Variants in EPHA3 observed in about 807,000 individuals in gnomAD.
EPHA3 encodes ephrin type-A receptor 3.
EPHA3 carries 42 observed loss-of-function variants against 107.1 expected under a neutral mutation model. The observed-to-expected ratio is 0.39, with a 90% confidence interval of 0.31 to 0.51. The LOEUF (loss-of-function observed/expected upper bound fraction) is 0.51, where lower values mean the gene tolerates loss of function less well. Among genes scored for constraint, EPHA3 ranks in the 20% least tolerant of loss-of-function variants. EPHA3 has a pLI of 0.78. For missense variants in EPHA3, 1,183 were observed against 1,211.2 expected, an observed-to-expected ratio of 0.98 and a Z score of 0.35; for synonymous variants, 461 against 424.8, an observed-to-expected ratio of 1.09 and a Z score of -1.05.
chr3:89,438,550 T>C (rs1709719179), intron 13 of EPHA3, among the ~76,000 whole-genome samples: 1 of 152,142 alleles, frequency 6.6e-6, no homozygotes, highest in African/African-American at 2.4e-5. Context: ...CTTTGTTCTG[T>C]AACATTTTCA....
At chr3:89,394,552 T>G (rs1162042932) in intron 5 of EPHA3, among the ~76,000 whole-genome samples, 1 of 152,214 alleles carries the variant, frequency 6.6e-6, no homozygotes, top group African/African-American at 2.4e-5. Flanking sequence ...TTCTCTGAAG[T>G]GGCACAAGGC....
chr3:89,334,828 A>G (rs751558301), intron 3 of EPHA3, among the ~76,000 whole-genome samples: 1 of 152,188 alleles, frequency 6.6e-6, no homozygotes, highest in Non-Finnish European at 1.5e-5. Flanking sequence ...GCCAACACCT[A>G]TTTAATAGGA....
chr3:89,187,291 G>A (rs907339734), intron 2 of EPHA3, among the ~76,000 whole-genome samples: 1 of 148,502 alleles, frequency 6.7e-6, no homozygotes, highest in Non-Finnish European at 1.5e-5. Flanking sequence ...TAATATATGA[G>A]TCTATACATT....
At chr3:89,474,864 A>G (rs79350232) in intron 16 of EPHA3, among the ~76,000 whole-genome samples, 5,878 of 152,232 alleles carry the variant, frequency 0.039, 110 homozygotes, top group South Asian at 0.049. Flanking sequence ...CTTAATTGTT[A>G]TTATTATTTG....
intron 2 of EPHA3, among the ~76,000 whole-genome samples, chr3:89,152,374 C>A (rs1191700498): frequency 6.6e-6 from 1 of 152,008 alleles, no homozygotes. Flanking sequence ...AGAAACTGCA[C>A]AGGCCTTCTC....
intron 3 of EPHA3, among the ~76,000 whole-genome samples, chr3:89,230,662 G>T (rs1186531358): frequency 2.0e-5 from 3 of 152,030 alleles, no homozygotes; most frequent in Admixed American, 6.6e-5. Flanking sequence ...ATCAGGGAAA[G>T]AATTTTGATC....
At chr3:89,330,792 A>G (rs940439530) in intron 3 of EPHA3, among the ~76,000 whole-genome samples, 1 of 152,124 alleles carries the variant, frequency 6.6e-6, no homozygotes, top group African/African-American at 2.4e-5. Context: ...CTCTGTTTTC[A>G]TTTAAAATCC....
intron 13 of EPHA3, among the ~76,000 whole-genome samples, chr3:89,438,608 A>G (rs940855233): frequency 1.3e-5 from 2 of 152,224 alleles, no homozygotes; most frequent in African/African-American, 4.8e-5. Flanking sequence ...TACAAAAGAC[A>G]CATATTAATT....
rs891890987 is a variant in EPHA3 at position 89,407,217 on chromosome 3, T to A, written c.1595-52T>A. On this transcript the variant is annotated intron_variant, in intron 7 of 16. Transcript: ENST00000336596. ...GAATCAATCAACTGTTCCATGTAGA[T>A]GTTAGTCATGATTATAATACCTGTT... is the stretch of plus-strand genomic sequence containing the variant. The A allele has an allele frequency of 7.1e-6, 9 of 1,269,742 alleles. No homozygotes were observed. The African/African-American group carries it at 1.0e-4, about 15-fold the overall frequency. The allele number at this position is 1,269,742 out of a possible 1,614,324, so 78.7% of individuals were successfully genotyped here. A position where few individuals can be genotyped will look rare whatever the true frequency, so the allele number is the denominator to read the frequency against.
rs1367168583 is a variant in EPHA3 at position 89,294,117 on chromosome 3, C to T, written c.815-46799C>T. ...GGCCATGGGTAGGTTGCCAACTTTT[C>T]TCCTAACCCAAAGTGACAATGATTT... is the stretch of plus-strand genomic sequence containing the variant. On this transcript the variant is annotated intron_variant, in intron 3 of 16. Coordinates refer to ENST00000336596, the MANE Select transcript of EPHA3 (RefSeq NM_005233.6). 4.6e-5 allele frequency among the ~76,000 whole-genome samples: 7 copies of T among 152,274 alleles called. No homozygotes were observed. In the East Asian group the frequency reaches 1.4e-3, roughly 29 times the overall value.
intron 3 of EPHA3, among the ~76,000 whole-genome samples, chr3:89,293,914 A>C (rs532125003): frequency 3.2e-4 from 49 of 152,292 alleles, no homozygotes; most frequent in African/African-American, 1.1e-3. Context: ...CAATCACAAA[A>C]ATATATTTAA....
intron 3 of EPHA3, among the ~76,000 whole-genome samples, chr3:89,213,781 G>A (rs9310116): frequency 0.76 from 114,968 of 151,778 alleles, 44,318 homozygotes; most frequent in Admixed American, 0.84. Flanking sequence ...TACTGATCTA[G>A]TGCTTAAAGC....
intron 5 of EPHA3, among the ~76,000 whole-genome samples, chr3:89,362,533 G>A (rs1708114463): frequency 6.6e-6 from 1 of 151,098 alleles, no homozygotes; most frequent in African/African-American, 2.4e-5. Flanking sequence ...AGTCACAAAG[G>A]CTGCAACAAG....
chr3:89,287,918 A>AT (rs1706127673), intron 3 of EPHA3, among the ~76,000 whole-genome samples: 1 of 151,906 alleles, frequency 6.6e-6, no homozygotes, highest in Non-Finnish European at 1.5e-5. Flanking sequence ...TCCATCTTTT[A>AT]TTTTTTCTGA....
chr3:89,354,873 A>G (rs1707910375), intron 5 of EPHA3, among the ~76,000 whole-genome samples: 3 of 151,080 alleles, frequency 2.0e-5, no homozygotes. Context: ...GAGGCTTTGC[A>G]CAAAATCTAA....
chr3:89,432,413 C>T (rs1576375052), intron 13 of EPHA3, among the ~76,000 whole-genome samples: 1 of 151,958 alleles, frequency 6.6e-6, no homozygotes, highest in Non-Finnish European at 1.5e-5. Context: ...GGCAGGGTCT[C>T]ACTCTGTCAC....
intron 13 of EPHA3, among the ~76,000 whole-genome samples, chr3:89,442,221 T>C (rs2107547114): frequency 6.6e-6 from 1 of 152,158 alleles, no homozygotes; most frequent in South Asian, 2.1e-4. Flanking sequence ...CCAGAAGGGA[T>C]ATTATTACAT....
At chr3:89,289,668 A>G (rs1706166791) in intron 3 of EPHA3, among the ~76,000 whole-genome samples, 1 of 152,118 alleles carries the variant, frequency 6.6e-6, no homozygotes, top group African/African-American at 2.4e-5. Context: ...AGTGACAGGT[A>G]ATAACTCAGA....
chr3:89,438,755 C>T (rs1709723727), intron 13 of EPHA3, among the ~76,000 whole-genome samples: 1 of 152,116 alleles, frequency 6.6e-6, no homozygotes, highest in African/African-American at 2.4e-5. Context: ...TTTATTGCCT[C>T]CCCTTATGAT....
Sources: allele counts gnomAD v4.1 joint callset (sites outside exome capture counted in the v4.1 genomes callset), GRCh38; gene constraint gnomAD v4.1.1; transcripts MANE v1.5; gene names NCBI Gene and HGNC (gene_info 2026-07-23, HGNC 2026-07-21).